PHF3: variants seen among roughly 807,000 people sequenced by gnomAD.
PHF3 encodes PHD finger protein 3.
A neutral mutation model predicts 178.4 loss-of-function variants in PHF3; 41 were observed. That is an observed-to-expected ratio of 0.23 (90% CI 0.18 to 0.30). PHF3 has a LOEUF of 0.30. PHF3 is among the 10% of genes least tolerant of loss of function. PHF3 has a pLI of 1.00. For missense variants in PHF3, 2,346 were observed against 2,398.1 expected (o/e 0.98, Z 0.45); for synonymous variants, 842 against 800.5 (o/e 1.05, Z -0.88).
At chr6:63,671,158 A>G (rs1765899644) in intron 2 of PHF3, among the ~76,000 whole-genome samples, 1 of 152,148 alleles carries the variant, frequency 6.6e-6, no homozygotes, top group Non-Finnish European at 1.5e-5. Flanking sequence ...TTTTCATTAA[A>G]TAACATTCCA....
chr6:63,649,949 T>A (rs1764952670), intron 2 of PHF3, among the ~76,000 whole-genome samples: 1 of 152,250 alleles, frequency 6.6e-6, no homozygotes, highest in African/African-American at 2.4e-5. Flanking sequence ...GTATCAGTGT[T>A]ATGAAGAAAT....
Position 63,709,230 on chromosome 6 carries a change from C to A in PHF3, c.3791C>A (p.Ser1264Ter). The change falls in exon 14 of 16, where the codon TCA becomes TAA. Residue 1264 changes from serine (S) to a stop codon, truncating the protein, a stop_gained. Coordinates refer to ENST00000262043, the MANE Select transcript of PHF3 (RefSeq NM_001370348.2). LOFTEE classifies it high-confidence loss of function. ...GATTATGTGGAAAAAATAAAAGCAT[C>A]AGGAACCAAGGTGAGGAAAACTTTT... is the stretch of plus-strand genomic sequence containing the variant. Reference protein sequence around the residue: ...VWDYVEKIKASGTKEICVVRF... With the variant: ...VWDYVEKIKA The A allele has an allele frequency of 6.2e-7, 1 of 1,608,220 alleles. No homozygotes were observed. The highest frequency in any genetic ancestry group is 8.5e-7 in the Non-Finnish European group (1 of 1,176,142).
intron 14 of PHF3, 132 bp downstream of exon 14, chr6:63,709,372 C>T (rs1376266829): frequency 1.5e-6 from 1 of 650,222 alleles, no homozygotes; most frequent in Non-Finnish European, 2.7e-6. Flanking sequence ...ATGTAATATA[C>T]CTCACAAAAC....
intron 2 of PHF3, among the ~76,000 whole-genome samples, chr6:63,658,272 T>C (rs1324846899): frequency 2.0e-5 from 3 of 152,240 alleles, no homozygotes; most frequent in Non-Finnish European, 4.4e-5. Context: ...TTTCATGCTC[T>C]GTTTTAGTAA....
At chr6:63,691,177 GT>G (rs1414779436) in intron 4 of PHF3, among the ~76,000 whole-genome samples, 2 of 152,166 alleles carry the variant, frequency 1.3e-5, no homozygotes, top group African/African-American at 4.8e-5. Context: ...TCTAGGTAAG[GT>G]GGCTAATAAA....
chr6:63,685,246 A>G lies in PHF3; in HGVS notation c.1524A>G (p.Lys508=). The change falls in exon 4 of 16, where the codon AAA becomes AAG. Residue 508 remains lysine, a synonymous_variant. Transcript: ENST00000262043. ...ACATGACCACAGATGCTCCGAAGAA[A>G]ATTGTTGCAGCAAAGTATGAAGTAA... The part of the protein sequence containing the change: ...KQNMTTDAPK[K]IVAAKYEVIH... 6 of 1,614,048 alleles carry G rather than the reference A, an allele frequency of 3.7e-6. No individual in the cohort carries two copies. Among genetic ancestry groups the G allele is most frequent in the Non-Finnish European group, 5.1e-6 (6 of 1,179,986 alleles).
At chr6:63,677,815 A>C (rs1236395142) in intron 2 of PHF3, among the ~76,000 whole-genome samples, 1 of 150,756 alleles carries the variant, frequency 6.6e-6, no homozygotes, top group Non-Finnish European at 1.5e-5. Context: ...AATGTTTCTT[A>C]TGCATCTTTG....
intron 2 of PHF3, among the ~76,000 whole-genome samples, chr6:63,656,043 A>G (rs1037696071): frequency 2.6e-5 from 4 of 152,276 alleles, no homozygotes; most frequent in Non-Finnish European, 5.9e-5. Flanking sequence ...AATTGAACTC[A>G]GAGTTAAAAC....
chr6:63,654,392 G>A (rs1765144172), intron 2 of PHF3, among the ~76,000 whole-genome samples: 1 of 152,158 alleles, frequency 6.6e-6, no homozygotes, highest in African/African-American at 2.4e-5. Flanking sequence ...TGAACAAGAT[G>A]AACTGATGAA....
chr6:63,698,328 A>G lies in PHF3; in HGVS notation c.2786A>G (p.Gln929Arg). ...ASKPSADQIR[Q>R]SVRHSLKDIL... ...AAGCCTTCTGCAGATCAGATCAGGC[A>G]AAGTGTCAGACATTCTCTCAAAGAC... Residue 929 changes from glutamine (Q) to arginine (R), a missense_variant, in exon 7 of 16, where the codon CAA (glutamine) becomes CGA (arginine). Gln to Arg is a conservative substitution (Grantham distance 43). Coordinates refer to ENST00000262043, the MANE Select transcript of PHF3 (RefSeq NM_001370348.2). The G allele has an allele frequency of 6.2e-7, 1 of 1,612,700 alleles. No homozygotes were observed. Among genetic ancestry groups the G allele is most frequent in the Non-Finnish European group, 8.5e-7 (1 of 1,179,084 alleles).
In PHF3 at chr6:63,712,459, A is replaced by G. The variant is rs1767989146; in HGVS notation, c.4871A>G (p.Asn1624Ser). The change falls in exon 16 of 16, where the codon AAC (asparagine) becomes AGC (serine). Residue 1624 changes from asparagine (N) to serine (S), a missense_variant. This residue lies in a region of PHF3 where 839 missense variants were observed against 806.9 expected (regional missense o/e 1.04). Transcript: ENST00000262043. ...TGCAGATCTAATGTAGGAAAAGGAA[A>G]CATAGATGGTAATGTGAGCTGTAGT... ...SPCRSNVGKG[N>S]IDGNVSCSEN... 1 of 1,614,014 alleles carries G rather than the reference A, an allele frequency of 6.2e-7. No individual in the cohort carries two copies. The highest frequency in any genetic ancestry group is 8.5e-7 in the Non-Finnish European group (1 of 1,179,936).
intron 2 of PHF3, among the ~76,000 whole-genome samples, chr6:63,647,315 A>G (rs570401597): frequency 4.6e-5 from 7 of 151,812 alleles, no homozygotes; most frequent in African/African-American, 1.7e-4. Context: ...CAGAGAAAGA[A>G]CTCTATACCT....
At chr6:63,643,304 A>T (rs1280163628) in intron 1 of PHF3, among the ~76,000 whole-genome samples, 1 of 152,194 alleles carries the variant, frequency 6.6e-6, no homozygotes. Flanking sequence ...CTGATTTTTA[A>T]AAATGAATTA....
At chr6:63,652,370 T>G (rs1340479587) in intron 2 of PHF3, among the ~76,000 whole-genome samples, 1 of 152,126 alleles carries the variant, frequency 6.6e-6, no homozygotes, top group Non-Finnish European at 1.5e-5. Flanking sequence ...GCTTATTTGC[T>G]CATTTAAAAA....
chr6:63,667,071 C>G (rs766315782), intron 2 of PHF3, among the ~76,000 whole-genome samples: 1 of 152,042 alleles, frequency 6.6e-6, no homozygotes, highest in Non-Finnish European at 1.5e-5. Context: ...TCTCGAACCC[C>G]TGGGCTCAAG....
intron 1 of PHF3, among the ~76,000 whole-genome samples, chr6:63,638,505 GATA>G (rs1341909780): frequency 6.6e-6 from 1 of 152,018 alleles, no homozygotes; most frequent in Non-Finnish European, 1.5e-5. Context: ...TTTTTCTGGA[GATA>G]ATAACTTTTC....
chr6:63,698,749 T>G (rs1014433065), intron 8 of PHF3, 144 bp downstream of exon 8: 43 of 553,256 alleles, frequency 7.8e-5, no homozygotes, highest in Admixed American at 5.3e-4. Context: ...ATTTTAATAG[T>G]CTTTTTGCTA....
chr6:63,718,610 C>T lies in PHF3; in HGVS notation c.*4902C>T, dbSNP rs1768260823. 6.6e-6 allele frequency among the ~76,000 whole-genome samples: 1 copy of T among 151,904 alleles called. No homozygotes were observed. The highest frequency in any genetic ancestry group is 1.5e-5 in the Non-Finnish European group (1 of 67,940). ...CTGCATTCAGTGTTTTGTAGTATGT[C>T]ATTTTATTTGAAATATATGAAGAAA... is the stretch of plus-strand genomic sequence containing the variant. On this transcript the variant is annotated 3_prime_UTR_variant, in exon 16 of 16. Transcript: ENST00000262043.
In PHF3 at chr6:63,697,244, G is replaced by A. The variant is rs375974961; in HGVS notation, c.2681-979G>A. On this transcript the variant is annotated intron_variant, in intron 6 of 15. Transcript: ENST00000262043. ...GTGGTAGGGGGAAGAACTAATGTAG[G>A]TAGGTTGGATTTGGTAATGGGAAAA... 2.6e-5 allele frequency among the ~76,000 whole-genome samples: 4 copies of A among 152,256 alleles called. No individual in the cohort carries two copies. In the East Asian group the frequency reaches 7.7e-4, roughly 29 times the overall value.
Sources: allele counts gnomAD v4.1 joint callset (sites outside exome capture counted in the v4.1 genomes callset), GRCh38; gene constraint gnomAD v4.1.1; regional missense constraint gnomAD v4.1.1; transcripts MANE v1.5; gene names NCBI Gene and HGNC (gene_info 2026-07-23, HGNC 2026-07-21).